Variants in TMEFF2 observed in about 807,000 individuals in gnomAD.
The protein encoded by TMEFF2 is transmembrane protein with EGF like and two follistatin like domains 2, also known as tomoregulin-2.
Under a neutral mutation model 53.8 loss-of-function variants are expected in TMEFF2, and 28 were observed. The observed-to-expected ratio is 0.52, with a 90% CI of 0.39 to 0.71. The LOEUF is 0.71. Among genes scored for constraint, TMEFF2 ranks in the 30% least tolerant of loss-of-function variants. The pLI, the probability that TMEFF2 is intolerant of heterozygous loss-of-function variation, is 0.00. For missense variants in TMEFF2, 353 were observed against 455.2 expected, an observed-to-expected ratio of 0.78 and a Z score of 2.04; for synonymous variants, 162 against 166.3, an observed-to-expected ratio of 0.97 and a Z score of 0.20.
At chr2:192,033,968 G>T (rs985851966) in intron 5 of TMEFF2, among the ~76,000 whole-genome samples, 2 of 152,082 alleles carry the variant, frequency 1.3e-5, no homozygotes, top group African/African-American at 2.4e-5. Context: ...GAGGTCAGGA[G>T]ATTGAGACCA....
intron 5 of TMEFF2, among the ~76,000 whole-genome samples, chr2:192,038,528 A>AT (rs1415385695): frequency 2.0e-5 from 3 of 151,310 alleles, no homozygotes; most frequent in African/African-American, 4.9e-5. Flanking sequence ...TTTTTTATTT[A>AT]TTTTTTTGAG....
chr2:192,176,720 A>C (rs1263495777), intron 4 of TMEFF2: 1 of 151,230 alleles, frequency 6.6e-6, no homozygotes, highest in African/African-American at 2.4e-5. Context: ...ATGTTCTCTC[A>C]AATGCAGTAA....
At chr2:191,967,201 A>G (rs1399198272) in intron 7 of TMEFF2, among the ~76,000 whole-genome samples, 1 of 152,118 alleles carries the variant, frequency 6.6e-6, no homozygotes, top group Non-Finnish European at 1.5e-5. Flanking sequence ...ACAGTTGGGG[A>G]TATTATGCAA....
intron 9 of TMEFF2, among the ~76,000 whole-genome samples, chr2:191,951,476 GA>G (rs1340259066): frequency 6.8e-6 from 1 of 146,956 alleles, no homozygotes; most frequent in East Asian, 1.9e-4. Context: ...ATAGAAGAGA[GA>G]TGTAGAAGAC....
intron 7 of TMEFF2, among the ~76,000 whole-genome samples, chr2:191,959,061 G>A (rs568310929): frequency 4.1e-4 from 62 of 152,210 alleles, no homozygotes; most frequent in African/African-American, 1.4e-3. Flanking sequence ...TAGGTATTAA[G>A]CAATAACAAA....
chr2:192,136,631 ATTTC>A (rs1690013877), intron 4 of TMEFF2, among the ~76,000 whole-genome samples: 1 of 151,952 alleles, frequency 6.6e-6, no homozygotes, highest in Non-Finnish European at 1.5e-5. Context: ...TTTGCGGATT[ATTTC>A]TTCTCTTTTT....
chr2:192,020,050 T>G lies in TMEFF2; in HGVS notation c.537-20842A>C, dbSNP rs372382486. On this transcript the variant is annotated intron_variant, in intron 5 of 9. Coordinates refer to ENST00000272771, the MANE Select transcript of TMEFF2 (RefSeq NM_016192.4). Reference sequence around the variant, plus strand: ...GAGCACAACCAAGATGTTCTGCCACTAAAATAAAATAATAACAGCTTTTTT... The same window carrying G: ...GAGCACAACCAAGATGTTCTGCCACGAAAATAAAATAATAACAGCTTTTTT... Among the ~76,000 whole-genome samples the G allele has an allele frequency of 8.5e-4, 130 of 152,198 alleles. 5 individuals carry two copies. The South Asian group carries it at 0.025, about 29-fold the overall frequency.
intron 4 of TMEFF2, among the ~76,000 whole-genome samples, chr2:192,127,538 T>A (rs1689706071): frequency 6.6e-6 from 1 of 152,192 alleles, no homozygotes; most frequent in African/African-American, 2.4e-5. Flanking sequence ...GGATGAGAAA[T>A]CCTCTTTATT....
chr2:191,960,439 T>C (rs1692239351), intron 7 of TMEFF2, among the ~76,000 whole-genome samples: 1 of 152,116 alleles, frequency 6.6e-6, no homozygotes, highest in African/African-American at 2.4e-5. Flanking sequence ...AATTGACTAG[T>C]TCTGAATTTC....
At chr2:192,134,285 A>G (rs752127619) in intron 4 of TMEFF2, among the ~76,000 whole-genome samples, 1 of 152,020 alleles carries the variant, frequency 6.6e-6, no homozygotes, top group Non-Finnish European at 1.5e-5. Flanking sequence ...ACATTATTCC[A>G]GATACCACAC....
chr2:192,151,480 C>T (rs557452221), intron 4 of TMEFF2, among the ~76,000 whole-genome samples: 122 of 151,892 alleles, frequency 8.0e-4, no homozygotes, highest in African/African-American at 2.9e-3. Flanking sequence ...GAACCTGAAT[C>T]TAAGAGCAAC....
At chr2:192,149,980 T>C (rs898036566) in intron 4 of TMEFF2, among the ~76,000 whole-genome samples, 1 of 151,972 alleles carries the variant, frequency 6.6e-6, no homozygotes, top group Non-Finnish European at 1.5e-5. Context: ...GAAGGCCCAT[T>C]ATACAGCAAT....
chr2:191,973,264 T>C (rs1028660596), intron 7 of TMEFF2, among the ~76,000 whole-genome samples: 1 of 152,040 alleles, frequency 6.6e-6, no homozygotes, highest in African/African-American at 2.4e-5. Context: ...ACGTAGGTTT[T>C]CTACTTGCCA....
rs1691120349 is a variant in TMEFF2 at position 192,179,042 on chromosome 2, CT to C, written c.439+625del. On this transcript the variant is annotated intron_variant, in intron 4 of 9. Coordinates refer to ENST00000272771, the MANE Select transcript of TMEFF2 (RefSeq NM_016192.4). ...GATCAAACTTTTAAAGTTTCTCTCT[CT>C]CTCTCTCTCATCTTATATACTTCCC... 2.0e-5 allele frequency: 3 copies of C among 151,070 alleles called. No homozygotes were observed. In the South Asian group the frequency reaches 6.2e-4, roughly 31 times the overall value. 9.4% of individuals were successfully genotyped at this position (151,070 alleles called of 1,614,324 possible).
chr2:191,950,071 A>T lies in TMEFF2; in HGVS notation c.*240T>A, dbSNP rs1305641957. ...TATAACAAATACATGGGAAAGAAAA[A>T]ACTATATTGTGTGATATAAATAGTT... On this transcript the variant is annotated 3_prime_UTR_variant, in exon 10 of 10. Transcript: ENST00000272771. 1.6e-6 allele frequency: 2 copies of T among 1,229,818 alleles called. No homozygotes were observed. Among genetic ancestry groups the T allele is most frequent in the African/African-American group, 1.5e-5 (1 of 64,852 alleles). The allele number at this position is 1,229,818 out of a possible 1,614,324, so 76.2% of individuals were successfully genotyped here. A position where few individuals can be genotyped will look rare whatever the true frequency, so the allele number is the denominator to read the frequency against.
At position 192,191,336 on chromosome 2, in the gene TMEFF2, G is replaced by A. The variant is rs77631865; in HGVS notation, c.282+544C>T. 8.1e-4 allele frequency among the ~76,000 whole-genome samples: 123 copies of A among 152,210 alleles called. No individual in the cohort carries two copies. The East Asian group carries it at 8.5e-3, about 11-fold the overall frequency. On this transcript the variant is annotated intron_variant, in intron 2 of 9. Coordinates refer to ENST00000272771, the MANE Select transcript of TMEFF2 (RefSeq NM_016192.4). ...TCCTAGGGGATTCAGTTCTAATTGA[G>A]TGTGGTATCTATGAAAAAGCTGATA...
intron 5 of TMEFF2, among the ~76,000 whole-genome samples, chr2:192,026,989 A>G (rs1271028052): frequency 1.3e-5 from 2 of 152,254 alleles, no homozygotes; most frequent in Admixed American, 1.3e-4. Context: ...CCAATGGAAC[A>G]GTTTCTCCAG....
chr2:191,999,855 C>A (rs566720447), intron 5 of TMEFF2, among the ~76,000 whole-genome samples: 5 of 151,954 alleles, frequency 3.3e-5, no homozygotes, highest in Admixed American at 6.6e-5. Flanking sequence ...TATAAAATTT[C>A]AGGGTTGTCT....
At chr2:192,133,889 G>A (rs1355204254) in intron 4 of TMEFF2, among the ~76,000 whole-genome samples, 1 of 152,116 alleles carries the variant, frequency 6.6e-6, no homozygotes, top group African/African-American at 2.4e-5. Context: ...CCTGCTGATC[G>A]TGTCCGATTA....
Sources: gnomAD v4.1 joint callset for allele counts (sites outside exome capture counted in the v4.1 genomes callset) on GRCh38, gnomAD v4.1.1 for gene constraint, MANE v1.5 for transcripts, NCBI Gene and HGNC (gene_info 2026-07-23, HGNC 2026-07-21) for gene names.